Variants in CTNNA2 observed in about 807,000 individuals in gnomAD.
The protein encoded by CTNNA2 is catenin alpha-2.
A neutral mutation model predicts 101.0 loss-of-function variants in CTNNA2; 42 were observed. That is an observed-to-expected ratio of 0.42 (90% CI 0.32 to 0.54). CTNNA2 has a LOEUF of 0.54. Among genes scored for constraint, CTNNA2 ranks in the 20% least tolerant of loss-of-function variants. The probability of loss-of-function intolerance (pLI) is 0.14; values close to 1 mark genes in which losing one functional copy is unlikely to be tolerated. For synonymous variants in CTNNA2, 450 were observed against 456.4 expected (o/e 0.99, Z 0.18); for missense variants, 871 against 1,223.1 (o/e 0.71, Z 4.29).
chr2:80,614,231 A>G (rs368865893), intron 17 of CTNNA2, among the ~76,000 whole-genome samples: 10 of 151,418 alleles, frequency 6.6e-5, no homozygotes, highest in Non-Finnish European at 1.5e-4. Flanking sequence ...GGCCTTCTGT[A>G]TCTGTGAGTT....
At chr2:80,563,871 A>G (rs1360541826) in intron 12 of CTNNA2, among the ~76,000 whole-genome samples, 1 of 151,860 alleles carries the variant, frequency 6.6e-6, no homozygotes, top group Non-Finnish European at 1.5e-5. Context: ...CCACTTTTCT[A>G]CTTACGTTTA....
chr2:80,366,883 A>G (rs1216798309), intron 7 of CTNNA2, among the ~76,000 whole-genome samples: 2 of 152,160 alleles, frequency 1.3e-5, no homozygotes, highest in East Asian at 1.9e-4. Context: ...TTAGGGAGAC[A>G]TGAGACATCA....
At chr2:80,297,989 T>TTA (rs1319327667) in intron 7 of CTNNA2, among the ~76,000 whole-genome samples, 2 of 151,408 alleles carry the variant, frequency 1.3e-5, no homozygotes, top group African/African-American at 2.4e-5. Context: ...GTGTGTGTGG[T>TTA]TATATATGTG....
intron 7 of CTNNA2, among the ~76,000 whole-genome samples, chr2:80,370,090 G>C (rs1450655272): frequency 6.6e-6 from 1 of 152,160 alleles, no homozygotes; most frequent in Admixed American, 6.5e-5. Flanking sequence ...CAAGTAGCAA[G>C]TATCATGAAT....
intron 18 of CTNNA2, among the ~76,000 whole-genome samples, chr2:80,621,041 A>C (rs1452204750): frequency 6.6e-6 from 1 of 151,898 alleles, no homozygotes; most frequent in Non-Finnish European, 1.5e-5. Context: ...TTGTGCTCTA[A>C]AGGAGACAGT....
chr2:80,053,168 C>T (rs1400872707), intron 7 of CTNNA2, among the ~76,000 whole-genome samples: 5 of 152,164 alleles, frequency 3.3e-5, no homozygotes, highest in African/African-American at 4.8e-5. Context: ...TCTTTATACT[C>T]GGAAGCAAAT....
At chr2:80,212,658 G>A (rs1257035778) in intron 7 of CTNNA2, among the ~76,000 whole-genome samples, 2 of 152,274 alleles carry the variant, frequency 1.3e-5, no homozygotes, top group East Asian at 1.9e-4. Flanking sequence ...ATGTTCATCA[G>A]GGATACTAGT....
At chr2:79,198,146 C>A (rs1267641850) in intron 2 of CTNNA2, 1 of 152,148 alleles carries the variant, frequency 6.6e-6, no homozygotes, top group Non-Finnish European at 1.5e-5. Context: ...CTGATGTAAA[C>A]TACACAGCTA....
rs70940048 is a variant in CTNNA2, at chr2:79,835,666, G to GTTTTTTTTTTT, written c.299-22320_299-22310dup. On this transcript the variant is annotated intron_variant, in intron 3 of 18. Transcript: ENST00000402739. ...CTGTGCTGCAGAATGGCCTCTCTTTGTTTTTTTTTTTTTTTTTTTTTTTTT... is the reference window on the plus strand; with the variant it reads ...CTGTGCTGCAGAATGGCCTCTCTTTGTTTTTTTTTTTTTTTTTTTTTTTTTTTTTTTTTTTT... 3.6e-4 allele frequency among the ~76,000 whole-genome samples: 21 copies of GTTTTTTTTTTT among 58,632 alleles called. 5 individuals carry two copies. Among genetic ancestry groups the GTTTTTTTTTTT allele is most frequent in the African/African-American group, 9.5e-4 (13 of 13,694 alleles). 38.5% of individuals were successfully genotyped at this position (58,632 alleles called of 152,430 possible).
chr2:80,418,907 C>A lies in CTNNA2; in HGVS notation c.1138-542C>A, dbSNP rs912812655. Among the ~76,000 whole-genome samples the A allele has an allele frequency of 2.6e-5, 4 of 152,162 alleles. No individual in the cohort carries two copies. In the East Asian group the frequency reaches 5.8e-4, roughly 22 times the overall value. On this transcript the variant is annotated intron_variant, in intron 8 of 18. Coordinates refer to ENST00000402739, the MANE Select transcript of CTNNA2 (RefSeq NM_001282597.3). ...AATTATAAGTATTTCTGGAACATAG[C>A]AACTATGTCATCATAGCACCTGGGC...
chr2:79,777,680 TG>T (rs1455330539), intron 3 of CTNNA2, among the ~76,000 whole-genome samples: 1 of 152,152 alleles, frequency 6.6e-6, no homozygotes, highest in Non-Finnish European at 1.5e-5. Context: ...AACAAAAGGA[TG>T]GGAATCTGAC....
chr2:79,645,513 C>G (rs551864838), intron 1 of CTNNA2, among the ~76,000 whole-genome samples: 17 of 152,210 alleles, frequency 1.1e-4, no homozygotes, highest in Non-Finnish European at 1.6e-4. Flanking sequence ...GAGAAAAAAG[C>G]AATTCAGGGT....
chr2:79,451,362 C>A (rs545086205), intron 4 of CTNNA2, among the ~76,000 whole-genome samples: 2 of 151,932 alleles, frequency 1.3e-5, no homozygotes, highest in East Asian at 3.9e-4. Flanking sequence ...AATTCAGATA[C>A]GTTTTTGAAA....
chr2:79,309,068 C>T (rs1041021042), intron 2 of CTNNA2, among the ~76,000 whole-genome samples: 1 of 152,054 alleles, frequency 6.6e-6, no homozygotes, highest in Non-Finnish European at 1.5e-5. Flanking sequence ...ATTCTCCAGA[C>T]TGTTCTCTTG....
chr2:80,466,610 C>CA (rs1022090886), intron 9 of CTNNA2, among the ~76,000 whole-genome samples: 14 of 151,194 alleles, frequency 9.3e-5, no homozygotes, highest in Admixed American at 2.0e-4. Context: ...CATATTTCTT[C>CA]AAAAAAAAAT....
chr2:79,513,699 G>T (rs1671653233), intron 1 of CTNNA2, among the ~76,000 whole-genome samples: 1 of 143,092 alleles, frequency 7.0e-6, no homozygotes, highest in African/African-American at 2.5e-5. Context: ...GGGAGAAGAG[G>T]ATCGAAGAAG....
chr2:79,607,803 A>G (rs980139071), intron 1 of CTNNA2, among the ~76,000 whole-genome samples: 1 of 152,126 alleles, frequency 6.6e-6, no homozygotes, highest in Non-Finnish European at 1.5e-5. Flanking sequence ...CCCAACACAT[A>G]TAAGAAAAAA....
chr2:80,063,571 A>G (rs1008549002), intron 7 of CTNNA2, among the ~76,000 whole-genome samples: 9 of 152,258 alleles, frequency 5.9e-5, no homozygotes, highest in Admixed American at 5.2e-4. Context: ...AGTTAGGACT[A>G]TACCTGATTA....
intron 1 of CTNNA2, among the ~76,000 whole-genome samples, chr2:79,590,569 C>T (rs957718081): frequency 4.6e-5 from 7 of 152,106 alleles, no homozygotes; most frequent in African/African-American, 1.7e-4. Flanking sequence ...TGACACACTT[C>T]CATAAGTACA....
Sources: gnomAD v4.1 joint callset for allele counts (sites outside exome capture counted in the v4.1 genomes callset) on GRCh38, gnomAD v4.1.1 for gene constraint, MANE v1.5 for transcripts, NCBI Gene and HGNC (gene_info 2026-07-23, HGNC 2026-07-21) for gene names.